Variants in ULK4 observed in about 807,000 individuals in gnomAD.
ULK4 encodes the protein unc-51 like kinase 4, also known as inactive serine/threonine-protein kinase ULK4.
A neutral mutation model predicts 160.6 loss-of-function variants in ULK4; 133 were observed. The observed-to-expected ratio is 0.83, with a 90% CI of 0.72 to 0.96. The LOEUF is 0.96. Ranked by LOEUF, ULK4 falls within the 40% of genes least tolerant of loss-of-function variation. ULK4 has a pLI of 0.00. For synonymous variants in ULK4, 534 were observed against 539.8 expected (o/e 0.99, Z 0.15); for missense variants, 1,580 against 1,499.5 (o/e 1.05, Z -0.89).
chr3:41,937,666 C>T (rs777757438), intron 3 of ULK4, among the ~76,000 whole-genome samples: 1 of 152,102 alleles, frequency 6.6e-6, no homozygotes, highest in Admixed American at 6.6e-5. Context: ...ATAGCTATAA[C>T]TTGTTATCTC....
At chr3:41,797,915 A>G (rs1012871710) in intron 20 of ULK4, among the ~76,000 whole-genome samples, 2 of 150,780 alleles carry the variant, frequency 1.3e-5, no homozygotes, top group Non-Finnish European at 2.9e-5. Context: ...AAACAAAACA[A>G]AAGAAAAGAA....
At chr3:41,833,240 C>A (rs1243460365) in intron 18 of ULK4, among the ~76,000 whole-genome samples, 1 of 150,160 alleles carries the variant, frequency 6.7e-6, no homozygotes, top group African/African-American at 2.5e-5. Context: ...TTGAAGAGGT[C>A]CTTCCTGTCC....
chr3:41,606,582 C>A lies in ULK4; in HGVS notation c.3120+9087G>T, dbSNP rs557875465. Among the ~76,000 whole-genome samples, 6 of 152,012 alleles carry A rather than the reference C, an allele frequency of 3.9e-5. No homozygotes were observed. The South Asian group carries it at 1.2e-3, about 32-fold the overall frequency. On this transcript the variant is annotated intron_variant, in intron 31 of 36. Transcript: ENST00000301831. ...ATAATGGCTGTACTAATTTGTACCC[C>A]CATTAACAGTGTATAAGAATTCCCT...
intron 21 of ULK4, among the ~76,000 whole-genome samples, chr3:41,766,214 G>A (rs1227715431): frequency 7.4e-6 from 1 of 135,460 alleles, no homozygotes; most frequent in African/African-American, 2.6e-5. Context: ...GTTGCAGTAA[G>A]CCAAAATCAC....
At position 41,738,076 on chromosome 3, in the gene ULK4, G is replaced by T. The variant is rs1246901436; in HGVS notation, c.2321+16285C>A. 7.9e-5 allele frequency among the ~76,000 whole-genome samples: 12 copies of T among 151,144 alleles called. 1 individual carries two copies. Among genetic ancestry groups the T allele is most frequent in the African/African-American group, 3.0e-4 (12 of 40,482 alleles). ...TATCAAGAGCAAAAACTTAAAATATGTAGGGGTGATAATATCTATCATTCC... is the reference window on the plus strand; with the variant it reads ...TATCAAGAGCAAAAACTTAAAATATTTAGGGGTGATAATATCTATCATTCC... On this transcript the variant is annotated intron_variant, in intron 22 of 36. Coordinates refer to ENST00000301831, the MANE Select transcript of ULK4 (RefSeq NM_017886.4).
chr3:41,556,283 T>C (rs554825455), intron 32 of ULK4, among the ~76,000 whole-genome samples: 9 of 152,278 alleles, frequency 5.9e-5, no homozygotes, highest in Admixed American at 1.3e-4. Flanking sequence ...TTTGTTCAAC[T>C]CTGTGAAAAC....
intron 19 of ULK4, among the ~76,000 whole-genome samples, chr3:41,807,885 G>A: frequency 6.6e-6 from 1 of 151,968 alleles, no homozygotes; most frequent in Non-Finnish European, 1.5e-5. Context: ...CACTCTACTT[G>A]GTGAAATAAA....
At chr3:41,452,181 T>A (rs890450093) in intron 34 of ULK4, among the ~76,000 whole-genome samples, 3 of 152,162 alleles carry the variant, frequency 2.0e-5, no homozygotes, top group African/African-American at 7.2e-5. Flanking sequence ...TTCCTGGTTA[T>A]CTGCTCTTCA....
chr3:41,862,536 C>T (rs771602348), intron 17 of ULK4, among the ~76,000 whole-genome samples: 1 of 152,108 alleles, frequency 6.6e-6, no homozygotes, highest in South Asian at 2.1e-4. Context: ...TTGTAGCCAT[C>T]CTTCTTGGGA....
intron 34 of ULK4, among the ~76,000 whole-genome samples, chr3:41,432,874 A>C (rs537562820): frequency 6.6e-6 from 1 of 151,560 alleles, no homozygotes; most frequent in African/African-American, 2.4e-5. Flanking sequence ...AATCCTGAAC[A>C]AATCAAATAA....
intron 35 of ULK4, among the ~76,000 whole-genome samples, chr3:41,364,485 C>T (rs894721929): frequency 1.3e-5 from 2 of 152,176 alleles, no homozygotes; most frequent in Non-Finnish European, 2.9e-5. Context: ...TTTTGGCTAG[C>T]CTGTTTCACA....
chr3:41,825,994 G>T (rs1450493156), intron 18 of ULK4, among the ~76,000 whole-genome samples: 1 of 152,102 alleles, frequency 6.6e-6, no homozygotes, highest in Admixed American at 6.5e-5. Flanking sequence ...AAGAGAGTGG[G>T]GACCAATATT....
At chr3:41,324,728 C>T (rs1024917709) in intron 35 of ULK4, among the ~76,000 whole-genome samples, 2 of 152,156 alleles carry the variant, frequency 1.3e-5, no homozygotes, top group Non-Finnish European at 2.9e-5. Context: ...AGTGGAAGGT[C>T]ACCTTCTCTC....
intron 35 of ULK4, among the ~76,000 whole-genome samples, chr3:41,267,760 C>G (rs2079068743): frequency 6.6e-6 from 1 of 152,204 alleles, no homozygotes; most frequent in Non-Finnish European, 1.5e-5. Context: ...TCAATGAGTC[C>G]TGCTGCTACT....
intron 1 of ULK4, among the ~76,000 whole-genome samples, chr3:41,956,310 A>G: frequency 6.6e-6 from 1 of 152,206 alleles, no homozygotes; most frequent in South Asian, 2.1e-4. Context: ...TGAAGAGGCC[A>G]GTGGGAAAGC....
intron 35 of ULK4, among the ~76,000 whole-genome samples, chr3:41,304,139 G>T (rs1007438620): frequency 6.6e-6 from 1 of 152,030 alleles, no homozygotes; most frequent in Non-Finnish European, 1.5e-5. Context: ...CAGACGTGGT[G>T]GTGGGCACCT....
intron 34 of ULK4, among the ~76,000 whole-genome samples, chr3:41,450,450 G>A (rs1007895847): frequency 2.0e-5 from 3 of 152,120 alleles, no homozygotes; most frequent in Non-Finnish European, 4.4e-5. Context: ...CTCTCCTACA[G>A]TGTATATTAT....
chr3:41,572,745 G>A (rs140801718), intron 31 of ULK4, among the ~76,000 whole-genome samples: 9,104 of 143,028 alleles, frequency 0.064, 844 homozygotes, highest in African/African-American at 0.21. Context: ...CAGCCTGGGC[G>A]ACAGAGCAAG....
At chr3:41,724,956 G>A (rs905529999) in intron 22 of ULK4, among the ~76,000 whole-genome samples, 2 of 151,868 alleles carry the variant, frequency 1.3e-5, no homozygotes, top group African/African-American at 4.8e-5. Flanking sequence ...TTTTCTATTG[G>A]GTTATCTGTC....
Sources: allele counts gnomAD v4.1 joint callset (sites outside exome capture counted in the v4.1 genomes callset), GRCh38; gene constraint gnomAD v4.1.1; transcripts MANE v1.5; gene names NCBI Gene and HGNC (gene_info 2026-07-23, HGNC 2026-07-21).